SLFN11: variants seen among roughly 807,000 people sequenced by gnomAD.
SLFN11 encodes schlafen family member 11.
In SLFN11, 43 loss-of-function variants were observed where a neutral mutation model predicts 53.4. The observed-to-expected ratio is 0.80, with a 90% CI of 0.63 to 1.04. The LOEUF (loss-of-function observed/expected upper bound fraction) is 1.04. Ranked by LOEUF, SLFN11 falls within the 50% of genes least tolerant of loss-of-function variation. The pLI is 0.00. For synonymous variants in SLFN11, 389 were observed against 394.7 expected (o/e 0.99, Z 0.17); for missense variants, 990 against 1,079.1 (o/e 0.92, Z 1.16).
In SLFN11 at chr17:35,353,763, C is replaced by T; in HGVS notation, c.1495G>A (p.Val499Met). 2 of 1,537,978 alleles carry T rather than the reference C, an allele frequency of 1.3e-6. No homozygotes were observed. The highest frequency in any genetic ancestry group is 1.8e-6 in the Non-Finnish European group (2 of 1,139,166). Residue 499 changes from valine (V) to methionine (M), a missense_variant, in exon 6 of 7, where the codon GTG becomes ATG. Coordinates refer to ENST00000685675, the MANE Select transcript of SLFN11 (RefSeq NM_001376007.1). ...TTCCCGGTGTAGCCCCCCATGTTCA[C>T]TAGCTTCTGCTTCAAAGTAAAGGCG... ...RTAFTLKQKL[V>M]NMGGYTGKVC... is the part of the protein sequence containing the mutation.
At position 35,353,676 on chromosome 17, in the gene SLFN11, C is replaced by A; in HGVS notation, c.1582G>T (p.Ala528Ser). Reference protein sequence around the residue: ...SPESSAEALEAAVSPMDYPAS... With the variant: ...SPESSAEALESAVSPMDYPAS... ...GGGTAATCCATCGGAGACACTGCAG[C>A]CTCCAAGGCCTCTGCGCTGCTCTCA... Residue 528 changes from alanine to serine, a missense_variant, in exon 6 of 7, where the codon GCT becomes TCT. Transcript: ENST00000685675. The A allele has an allele frequency of 8.0e-7, 1 of 1,248,458 alleles. No homozygotes were observed. Among genetic ancestry groups the A allele is most frequent in the African/African-American group, 1.7e-5 (1 of 59,376 alleles). The allele number at this position is 1,248,458 out of a possible 1,614,324, so 77.3% of individuals were successfully genotyped here.
Position 35,352,143 on chromosome 17 carries a change from T to C in SLFN11, c.*213A>G. The stretch of plus-strand genomic sequence containing the variant: ...TTTAGAAAACCACCATCTTTCTGGC[T>C]GGAAGAGTCAGGGGTCAGAATGGGG... On this transcript the variant is annotated 3_prime_UTR_variant, in exon 7 of 7. Transcript: ENST00000685675. 1.6e-6 allele frequency: 1 copy of C among 607,132 alleles called. No individual in the cohort carries two copies. Among genetic ancestry groups the C allele is most frequent in the Non-Finnish European group, 2.9e-6 (1 of 348,224 alleles). The allele number at this position is 607,132 out of a possible 1,614,324, so 37.6% of individuals were successfully genotyped here.
chr17:35,356,967 C>G (rs1266461310), intron 5 of SLFN11, among the ~76,000 whole-genome samples: 1 of 152,056 alleles, frequency 6.6e-6, no homozygotes, highest in Non-Finnish European at 1.5e-5. Context: ...CCACAACTAG[C>G]AAATAAGAGA....
chr17:35,366,452 TA>T (rs553958693), intron 3 of SLFN11, among the ~76,000 whole-genome samples: 242 of 152,268 alleles, frequency 1.6e-3, no homozygotes, highest in Middle Eastern at 3.4e-3. Flanking sequence ...ATTTGAAAAT[TA>T]TTTTTTTTAA....
At chr17:35,358,519 T>G (rs892603668) in intron 5 of SLFN11, among the ~76,000 whole-genome samples, 1 of 151,726 alleles carries the variant, frequency 6.6e-6, no homozygotes, top group Non-Finnish European at 1.5e-5. Flanking sequence ...CCAATTAACA[T>G]GATGTTCTTG....
intron 1 of SLFN11, among the ~76,000 whole-genome samples, chr17:35,369,068 T>C (rs1909318527): frequency 6.6e-6 from 1 of 152,032 alleles, no homozygotes; most frequent in Non-Finnish European, 1.5e-5. Flanking sequence ...ACCCCAGCTG[T>C]GGTGCATACA....
At position 35,352,479 on chromosome 17, in the gene SLFN11, T is replaced by C; in HGVS notation, c.2583A>G (p.Glu861=). The C allele has an allele frequency of 3.7e-6, 6 of 1,614,156 alleles. No individual in the cohort carries two copies. Among genetic ancestry groups the C allele is most frequent in the Non-Finnish European group, 5.1e-6 (6 of 1,180,030 alleles). The change falls in exon 7 of 7, where the codon GAA becomes GAG. Residue 861 remains glutamate, a synonymous_variant. Coordinates refer to ENST00000685675, the MANE Select transcript of SLFN11 (RefSeq NM_001376007.1). ...GATGGATCCCAAACACTATGCTCCT[T>C]TCCAGGCCTGAGAATCGCCGAACAC... is the stretch of plus-strand genomic sequence containing the variant. ...LDSVRRFSGL[E]RSIVFGIHPR... is the part of the protein sequence containing the mutation.
chr17:35,367,486 TTAAAC>T (rs1909098733), intron 2 of SLFN11, 112 bp downstream of exon 2: 1 of 152,076 alleles, frequency 6.6e-6, no homozygotes, highest in African/African-American at 2.4e-5. Flanking sequence ...CTAAATAAAA[TTAAAC>T]TAAGTCAATA....
In SLFN11 at chr17:35,363,065, A is replaced by T. The variant is rs779581965; in HGVS notation, c.743T>A (p.Ile248Asn). 3 of 1,614,062 alleles carry T rather than the reference A, an allele frequency of 1.9e-6. No homozygotes were observed. Among genetic ancestry groups the T allele is most frequent in the Non-Finnish European group, 2.5e-6 (3 of 1,179,984 alleles). The change falls in exon 4 of 7, where the codon ATT becomes AAT. Residue 248 changes from isoleucine to asparagine, a missense_variant. Transcript: ENST00000685675. ...FANTGGGYLF[I>N]GVDDKSREVL... is the part of the protein sequence containing the mutation. ...TTCCCTACTCTTATCATCCACTCCA[A>T]TAAAAAGATAGCCTCCTCCAGTGTT...
At chr17:35,373,405 T>A (rs1909951851) in intron 1 of SLFN11, 69 bp downstream of exon 1, 1 of 149,580 alleles carries the variant, frequency 6.7e-6, no homozygotes, top group Admixed American at 6.7e-5. Context: ...TCCGCACCCC[T>A]CCAGCCCCTC....
At position 35,363,362 on chromosome 17, in the gene SLFN11, A is replaced by G; in HGVS notation, c.446T>C (p.Phe149Ser). The G allele has an allele frequency of 6.2e-7, 1 of 1,614,026 alleles. No homozygotes were observed. The highest frequency in any genetic ancestry group is 8.5e-7 in the Non-Finnish European group (1 of 1,179,988). The change falls in exon 4 of 7, where the codon TTC becomes TCC. Residue 149 changes from phenylalanine to serine, a missense_variant. By Grantham distance (155) the Phe-to-Ser change is radical (BLOSUM62 -2). Coordinates refer to ENST00000685675, the MANE Select transcript of SLFN11 (RefSeq NM_001376007.1). ...SVRSMDSREA[F>S]CFLKTKRKPK... ...CTTCCTTTTGGTCTTCAGGAAACAG[A>G]ATGCCTCTCTTGAGTCCATGGAACG...
chr17:35,362,697 G>T, intron 4 of SLFN11, 42 bp downstream of exon 4: 1 of 1,468,694 alleles, frequency 6.8e-7, no homozygotes, highest in Non-Finnish European at 9.1e-7. Flanking sequence ...AGGTCCCAAG[G>T]ATGTAGAAAG....
intron 5 of SLFN11, among the ~76,000 whole-genome samples, chr17:35,355,594 A>G (rs894604179): frequency 2.0e-5 from 3 of 152,124 alleles, no homozygotes; most frequent in African/African-American, 7.2e-5. Flanking sequence ...TTACCTTATC[A>G]TTGCATAGGT....
intron 5 of SLFN11, 106 bp downstream of exon 5, chr17:35,360,137 G>T: frequency 1.7e-6 from 2 of 1,168,356 alleles, no homozygotes; most frequent in South Asian, 1.4e-5. Context: ...CTTACAAATG[G>T]GTTTGCAGAG....
At position 35,351,567 on chromosome 17, in the gene SLFN11, G is replaced by A. The variant is rs192462004; in HGVS notation, c.*789C>T. The A allele has an allele frequency of 2.6e-5, 4 of 152,252 alleles. No individual in the cohort carries two copies. The highest frequency in any genetic ancestry group is 5.9e-5 in the Non-Finnish European group (4 of 68,022). 9.4% of individuals were successfully genotyped at this position (152,252 alleles called of 1,614,324 possible). On this transcript the variant is annotated 3_prime_UTR_variant, in exon 7 of 7. Transcript: ENST00000685675. ...TTAAAGACAATCTTTCCCAAGTCTG[G>A]TTCACCTTAGGGCTGATACACACCT...
rs1299975552 is a variant in SLFN11 at position 35,351,823 on chromosome 17, C to T, written c.*533G>A. 1.3e-5 allele frequency: 2 copies of T among 154,142 alleles called. No individual in the cohort carries two copies. Among genetic ancestry groups the T allele is most frequent in the African/African-American group, 4.8e-5 (2 of 41,450 alleles). 9.5% of individuals were successfully genotyped at this position (154,142 alleles called of 1,614,324 possible). ...TGTCCTGACAAAATTATTAATCTGACAGTGACTGAATTATCTTCGGACTCT... is the reference window on the plus strand; with the variant it reads ...TGTCCTGACAAAATTATTAATCTGATAGTGACTGAATTATCTTCGGACTCT... On this transcript the variant is annotated 3_prime_UTR_variant, in exon 7 of 7. Coordinates refer to ENST00000685675, the MANE Select transcript of SLFN11 (RefSeq NM_001376007.1).
chr17:35,372,141 T>C (rs1234742120), intron 1 of SLFN11, among the ~76,000 whole-genome samples: 2 of 152,060 alleles, frequency 1.3e-5, no homozygotes, highest in Non-Finnish European at 2.9e-5. Context: ...TATTCAGCCA[T>C]AGAAAAGAAT....
At chr17:35,368,455 A>G (rs909327038) in intron 1 of SLFN11, among the ~76,000 whole-genome samples, 6 of 152,164 alleles carry the variant, frequency 3.9e-5, no homozygotes, top group African/African-American at 1.4e-4. Flanking sequence ...GACCAGCCCT[A>G]GTGAGATGGA....
At chr17:35,364,026 A>G (rs1236786384) in intron 3 of SLFN11, among the ~76,000 whole-genome samples, 200 bp from the exon 4 acceptor site, 2 of 152,108 alleles carry the variant, frequency 1.3e-5, no homozygotes, top group African/African-American at 4.8e-5. Flanking sequence ...ATGGGCTATG[A>G]GAGGAAAAAT....
Sources: allele counts gnomAD v4.1 joint callset (sites outside exome capture counted in the v4.1 genomes callset), GRCh38; gene constraint gnomAD v4.1.1; transcripts MANE v1.5; gene names NCBI Gene and HGNC (gene_info 2026-07-23, HGNC 2026-07-21).